TUSC3: variants seen among roughly 807,000 people sequenced by gnomAD.
The protein encoded by TUSC3 is tumor suppressor candidate 3, also known as dolichyl-diphosphooligosaccharide--protein glycosyltransferase subunit TUSC3.
A neutral mutation model predicts 44.8 loss-of-function variants in TUSC3; 45 were observed. That is an observed-to-expected ratio of 1.00 (90% CI 0.79 to 1.29). TUSC3 has a LOEUF of 1.29. Among genes scored for constraint, TUSC3 ranks in the 50% most tolerant of loss-of-function variants. TUSC3 has a pLI of 0.00. For missense variants in TUSC3, 519 were observed against 437.9 expected (o/e 1.19, Z -1.65); for synonymous variants, 212 against 152.9 (o/e 1.39, Z -2.85).
At chr8:15,425,631 G>A (rs1214473964) in intron 1 of TUSC3, among the ~76,000 whole-genome samples, 2 of 152,202 alleles carry the variant, frequency 1.3e-5, no homozygotes, top group African/African-American at 2.4e-5. Context: ...AGCCACCAGG[G>A]CATGAAGTTA....
chr8:15,574,125 G>A (rs970140375), intron 1 of TUSC3, among the ~76,000 whole-genome samples: 6 of 152,056 alleles, frequency 3.9e-5, no homozygotes, highest in Admixed American at 3.9e-4. Flanking sequence ...AAGCTCACTG[G>A]CATTCAATTG....
chr8:15,539,081 G>A (rs12677098), upstream of TUSC3, among the ~76,000 whole-genome samples: 31,022 of 150,886 alleles, frequency 0.21, 3,161 homozygotes, highest in South Asian at 0.27. Flanking sequence ...TCCAACTCTT[G>A]GACACAAGCC....
intron 7 of TUSC3, among the ~76,000 whole-genome samples, chr8:15,734,547 C>T (rs1417852390): frequency 6.6e-6 from 1 of 152,214 alleles, no homozygotes; most frequent in African/African-American, 2.4e-5. Context: ...ATTTTTATTT[C>T]ATTTATTTTT....
the TUSC3 span, among the ~76,000 whole-genome samples, chr8:15,843,621 T>TACACACACAC: frequency 1.4e-5 from 2 of 146,734 alleles, no homozygotes; most frequent in African/African-American, 5.3e-5. Flanking sequence ...TATATATATA[T>TACACACACAC]ACACGCACAT....
At chr8:15,601,879 A>G (rs12550131) in intron 1 of TUSC3, among the ~76,000 whole-genome samples, 33,866 of 150,616 alleles carry the variant, frequency 0.22, 3,803 homozygotes, top group South Asian at 0.28. Context: ...TACATATTAT[A>G]TAAGAATATA....
chr8:15,525,972 A>G (rs1244321803), intron 2 of TUSC3, among the ~76,000 whole-genome samples: 8 of 152,056 alleles, frequency 5.3e-5, no homozygotes, highest in African/African-American at 1.4e-4. Context: ...CTGTAGGGAG[A>G]CAGTGAGGGT....
At chr8:15,578,960 C>T (rs375386296) in intron 1 of TUSC3, among the ~76,000 whole-genome samples, 120 of 149,672 alleles carry the variant, frequency 8.0e-4, no homozygotes, top group African/African-American at 2.5e-3. Flanking sequence ...CTCTTTTTGG[C>T]TGGTAAGCTA....
intron 6 of TUSC3, among the ~76,000 whole-genome samples, chr8:15,718,442 A>C (rs1810149357): frequency 6.6e-6 from 1 of 152,130 alleles, no homozygotes; most frequent in African/African-American, 2.4e-5. Flanking sequence ...TACAGTTTTG[A>C]TTTTAGAGTG....
chr8:15,643,542 CAT>C (rs1482992525), intron 2 of TUSC3, among the ~76,000 whole-genome samples: 2 of 151,924 alleles, frequency 1.3e-5, no homozygotes, highest in African/African-American at 2.4e-5. Context: ...ATTTGGATCA[CAT>C]ATGTTAGAAT....
intron 1 of TUSC3, among the ~76,000 whole-genome samples, chr8:15,441,149 G>A (rs548259048): frequency 4.4e-4 from 67 of 152,370 alleles, no homozygotes; most frequent in African/African-American, 1.5e-3. Context: ...GCTCACGCCT[G>A]TAATCCCAGC....
intron 2 of TUSC3, among the ~76,000 whole-genome samples, chr8:15,508,513 G>C (rs1396934458): frequency 7.3e-6 from 1 of 136,478 alleles, no homozygotes; most frequent in Non-Finnish European, 1.5e-5. Flanking sequence ...CCAGGCTGGA[G>C]TGCAGTGGCG....
intron 1 of TUSC3, among the ~76,000 whole-genome samples, chr8:15,421,587 T>C (rs915675351): frequency 3.3e-5 from 5 of 152,192 alleles, no homozygotes; most frequent in African/African-American, 1.2e-4. Context: ...TAGTTATTTG[T>C]TATTGTCTCT....
chr8:15,629,350 G>T (rs1017338359), intron 2 of TUSC3, among the ~76,000 whole-genome samples: 1 of 152,128 alleles, frequency 6.6e-6, no homozygotes, highest in African/African-American at 2.4e-5. Flanking sequence ...TATTGAGCCA[G>T]GAGAGCTCTG....
intron 1 of TUSC3, among the ~76,000 whole-genome samples, chr8:15,426,396 C>A (rs1177025758): frequency 6.6e-6 from 1 of 152,176 alleles, no homozygotes; most frequent in Non-Finnish European, 1.5e-5. Context: ...ATTAAAAATT[C>A]CCCAGTTTCC....
intron 1 of TUSC3, among the ~76,000 whole-genome samples, chr8:15,612,015 T>C (rs1299621635): frequency 6.6e-6 from 1 of 152,180 alleles, no homozygotes; most frequent in Non-Finnish European, 1.5e-5. Context: ...CTTGTTCTCT[T>C]AGAGACTCCT....
chr8:15,428,549 A>G (rs1799834002), intron 1 of TUSC3, among the ~76,000 whole-genome samples: 1 of 152,156 alleles, frequency 6.6e-6, no homozygotes, highest in African/African-American at 2.4e-5. Flanking sequence ...CGCCACACCG[A>G]CTTCCACAAT....
At chr8:15,809,688 C>G in the TUSC3 span, among the ~76,000 whole-genome samples, 6 of 151,676 alleles carry the variant, frequency 4.0e-5, no homozygotes, top group Non-Finnish European at 5.9e-5. Flanking sequence ...CTCTCTGTCT[C>G]AAAATATCTG....
upstream of TUSC3, among the ~76,000 whole-genome samples, chr8:15,539,250 A>G (rs932838805): frequency 1.3e-5 from 2 of 152,014 alleles, no homozygotes; most frequent in African/African-American, 4.8e-5. Flanking sequence ...GCACAAGTGA[A>G]GAAATCTCTA....
At chr8:15,842,919 T>C in the TUSC3 span, among the ~76,000 whole-genome samples, 2 of 152,214 alleles carry the variant, frequency 1.3e-5, no homozygotes, top group Non-Finnish European at 2.9e-5. Flanking sequence ...GTCATGACCA[T>C]GCAGAACCAT....
Sources: allele counts gnomAD v4.1 joint callset (sites outside exome capture counted in the v4.1 genomes callset), GRCh38; gene constraint gnomAD v4.1.1; transcripts MANE v1.5; gene names NCBI Gene and HGNC (gene_info 2026-07-23, HGNC 2026-07-21).